The following TNFRSF9 variants were observed in gnomAD, a reference collection of about 807,000 sequenced individuals.
TNFRSF9 encodes the protein tumor necrosis factor receptor superfamily member 9.
Under a neutral mutation model 28.8 loss-of-function variants are expected in TNFRSF9, and 16 were observed. The ratio of observed to expected loss-of-function variants is 0.55; its 90% confidence interval spans 0.38 to 0.84. The LOEUF is 0.84. TNFRSF9 is among the 40% of genes least tolerant of loss of function. The pLI is 0.00. For synonymous variants in TNFRSF9, 131 were observed against 117.0 expected (o/e 1.12, Z -0.77); for missense variants, 303 against 315.0 (o/e 0.96, Z 0.29).
At chr1:7,928,721 G>T (rs966028531) in intron 7 of TNFRSF9, among the ~76,000 whole-genome samples, 1 of 151,602 alleles carries the variant, frequency 6.6e-6, no homozygotes, top group Non-Finnish European at 1.5e-5. Context: ...GCAAAACCCC[G>T]TCTCTACTAT....
chr1:7,930,450 T>C (rs1303488323), intron 7 of TNFRSF9, among the ~76,000 whole-genome samples: 2 of 152,170 alleles, frequency 1.3e-5, no homozygotes, highest in East Asian at 1.9e-4. Flanking sequence ...TTTGTTGCAG[T>C]CTGGGGTGTG....
At chr1:7,925,546 T>C (rs1639639354) in intron 7 of TNFRSF9, among the ~76,000 whole-genome samples, 1 of 152,110 alleles carries the variant, frequency 6.6e-6, no homozygotes, top group African/African-American at 2.4e-5. Context: ...TCAAGCACAT[T>C]ACATTTATTG....
chr1:7,929,318 A>G (rs1306779529), intron 7 of TNFRSF9, among the ~76,000 whole-genome samples: 1 of 151,738 alleles, frequency 6.6e-6, no homozygotes, highest in African/African-American at 2.4e-5. Flanking sequence ...GGCACGTGCC[A>G]CCATGCAGGG....
rs17848007 is a variant in TNFRSF9 at position 7,938,041 on chromosome 1, A to C, written c.346+152T>G. On this transcript the variant is annotated intron_variant, in intron 4 of 7. Coordinates refer to ENST00000377507, the MANE Select transcript of TNFRSF9 (RefSeq NM_001561.6). Reference sequence around the variant, plus strand: ...AATAACGGAAATATTTTATTAATTGAAATATTTTATTAATTAAAATATGAT... The same window carrying C: ...AATAACGGAAATATTTTATTAATTGCAATATTTTATTAATTAAAATATGAT... The C allele has an allele frequency of 4.5e-3, 2,634 of 580,944 alleles. 106 individuals are homozygous for C. The East Asian group carries it at 0.079, about 17-fold the overall frequency. 36.0% of individuals were successfully genotyped at this position (580,944 alleles called of 1,614,324 possible).
chr1:7,938,705 A>G lies in TNFRSF9; in HGVS notation c.208+16T>C. On this transcript the variant is annotated intron_variant, in intron 3 of 7. Coordinates refer to ENST00000377507, the MANE Select transcript of TNFRSF9 (RefSeq NM_001561.6). ...CAACTATCTTCTAGAAGAAGAAAAT[A>G]TCTTTGAACTCATACCTTTACACTG... is the stretch of plus-strand genomic sequence containing the variant. 1 of 1,555,710 alleles carries G rather than the reference A, an allele frequency of 6.4e-7. No homozygotes were observed. Among genetic ancestry groups the G allele is most frequent in the African/African-American group, 1.4e-5 (1 of 73,430 alleles).
intron 2 of TNFRSF9, among the ~76,000 whole-genome samples, chr1:7,939,319 C>CAAAAAAAA (rs34622301): frequency 9.6e-6 from 1 of 103,990 alleles, no homozygotes. Flanking sequence ...GACTGTGTCT[C>CAAAAAAAA]AAAAAAAAAA....
At position 7,938,195 on chromosome 1, in the gene TNFRSF9, T is replaced by C; in HGVS notation, c.344A>G (p.Lys115Arg). Residue 115 changes from lysine (K) to arginine (R), a missense_variant and splice_region_variant, in exon 4 of 8, where the codon AAA (lysine) becomes AGA (arginine). Physicochemically the swap from Lys to Arg is conservative, Grantham distance 26. Coordinates refer to ENST00000377507, the MANE Select transcript of TNFRSF9 (RefSeq NM_001561.6). ...AGATCAAAGAAACGCAAACGTACCT[T>C]TTTTTGTCAGTTCTTGACCTTGTTT... The part of the protein sequence containing the change: ...DCKQGQELTK[K>R]GCKDCCFGTF... 2 of 1,579,474 alleles carry C rather than the reference T, an allele frequency of 1.3e-6. No homozygotes were observed. The highest frequency in any genetic ancestry group is 1.4e-5 in the African/African-American group (1 of 73,564).
intron 7 of TNFRSF9, among the ~76,000 whole-genome samples, chr1:7,924,294 CATATAT>C (rs58569630): frequency 0.036 from 4,610 of 129,630 alleles, 84 homozygotes; most frequent in Middle Eastern, 0.076. Context: ...TAGTATATTC[CATATAT>C]ATATATATAT....
intron 7 of TNFRSF9, among the ~76,000 whole-genome samples, chr1:7,925,404 T>C (rs1639635296): frequency 6.6e-6 from 1 of 152,122 alleles, no homozygotes; most frequent in African/African-American, 2.4e-5. Flanking sequence ...TAGGTTAGCT[T>C]AAGTGTACAG....
chr1:7,935,164 T>C, intron 5 of TNFRSF9, 21 bp from the exon 6 acceptor site: 2 of 1,606,448 alleles, frequency 1.2e-6, no homozygotes. Context: ...TCAATGAAAA[T>C]AATTTAAATA....
Position 7,918,000 on chromosome 1 carries a change from ATAGG to A in TNFRSF9, c.*2831_*2834del, listed in dbSNP as rs564671137. The A allele has an allele frequency of 2.2e-3, 337 of 150,684 alleles. 1 individual carries two copies. Among genetic ancestry groups the A allele is most frequent in the African/African-American group, 8.0e-3 (323 of 40,248 alleles). 9.3% of individuals were successfully genotyped at this position (150,684 alleles called of 1,614,324 possible). On this transcript the variant is annotated 3_prime_UTR_variant, in exon 8 of 8. Coordinates refer to ENST00000377507, the MANE Select transcript of TNFRSF9 (RefSeq NM_001561.6). ...TAGATATAGATAGATAGATAGATAGATAGGCAGAATTTCACTCTTGTCACCCAGT... is the reference window on the plus strand; with the variant it reads ...TAGATATAGATAGATAGATAGATAGACAGAATTTCACTCTTGTCACCCAGT...
intron 6 of TNFRSF9, among the ~76,000 whole-genome samples, chr1:7,933,560 T>A (rs1432690290): frequency 6.7e-6 from 1 of 150,264 alleles, no homozygotes; most frequent in African/African-American, 2.5e-5. Flanking sequence ...AACATAGTGG[T>A]GGCAGGAACT....
At chr1:7,932,615 G>A (rs1311014111) in intron 7 of TNFRSF9, among the ~76,000 whole-genome samples, 1 of 151,838 alleles carries the variant, frequency 6.6e-6, no homozygotes. Flanking sequence ...GGGACATAGA[G>A]GGAACATGGT....
At position 7,917,983 on chromosome 1, in the gene TNFRSF9, GAT is replaced by G. The variant is rs1558526767; in HGVS notation, c.*2850_*2851del. The G allele has an allele frequency of 2.8e-4, 40 of 144,762 alleles. No individual in the cohort carries two copies. The highest frequency in any genetic ancestry group is 9.9e-4 in the African/African-American group (36 of 36,196). 9.0% of individuals were successfully genotyped at this position (144,762 alleles called of 1,614,324 possible). A position where few individuals can be genotyped will look rare whatever the true frequency, so the allele number is the denominator to read the frequency against. On this transcript the variant is annotated 3_prime_UTR_variant, in exon 8 of 8. Coordinates refer to ENST00000377507, the MANE Select transcript of TNFRSF9 (RefSeq NM_001561.6). The stretch of plus-strand genomic sequence containing the variant: ...ATATATATATATATATATAGATATA[GAT>G]AGATAGATAGATAGATAGGCAGAAT...
Position 7,937,723 on chromosome 1 carries a change from T to A in TNFRSF9, c.380A>T (p.Asp127Val). The A allele has an allele frequency of 1.2e-6, 2 of 1,613,802 alleles. No individual in the cohort carries two copies. Among genetic ancestry groups the A allele is most frequent in the Non-Finnish European group, 1.7e-6 (2 of 1,179,724 alleles). The change falls in exon 5 of 8, where the codon GAT becomes GTT. Residue 127 changes from aspartate (D) to valine (V), a missense_variant. Coordinates refer to ENST00000377507, the MANE Select transcript of TNFRSF9 (RefSeq NM_001561.6). The part of the protein sequence containing the change: ...CKDCCFGTFN[D>V]QKRGICRPWT... ...GGGTCGACAGATGCCACGTTTCTGATCGTTAAATGTCCCAAAGCAACAGTC... is the reference window on the plus strand; with the variant it reads ...GGGTCGACAGATGCCACGTTTCTGAACGTTAAATGTCCCAAAGCAACAGTC...
At chr1:7,938,077 C>T (rs1005539811) in intron 4 of TNFRSF9, 116 bp downstream of exon 4, 1 of 865,328 alleles carries the variant, frequency 1.2e-6, no homozygotes, top group South Asian at 3.0e-5. Flanking sequence ...ATATCATATA[C>T]TCCCTTGTTA....
In TNFRSF9 at chr1:7,934,022, C is replaced by G. The variant is rs1021529842; in HGVS notation, c.545-726G>C. On this transcript the variant is annotated intron_variant, in intron 6 of 7. Transcript: ENST00000377507. ...ACAGAGAGAGACTCTGTCCACCCCC[C>G]CAAAAAAATAAAAGAAACTTAATAA... Among the ~76,000 whole-genome samples the G allele has an allele frequency of 2.6e-5, 4 of 151,286 alleles. No homozygotes were observed. The South Asian group carries it at 8.4e-4, about 32-fold the overall frequency.
At chr1:7,924,563 G>A (rs529289879) in intron 7 of TNFRSF9, among the ~76,000 whole-genome samples, 1 of 152,096 alleles carries the variant, frequency 6.6e-6, no homozygotes, top group African/African-American at 2.4e-5. Context: ...GGAGGCAGAG[G>A]TTGCAGGGAG....
chr1:7,937,986 C>T (rs1390077610), intron 4 of TNFRSF9, among the ~76,000 whole-genome samples: 1 of 152,026 alleles, frequency 6.6e-6, no homozygotes, highest in Non-Finnish European at 1.5e-5. Flanking sequence ...AACAAATGTT[C>T]TGATTTCAAA....
Sources: allele counts gnomAD v4.1 joint callset (sites outside exome capture counted in the v4.1 genomes callset), GRCh38; gene constraint gnomAD v4.1.1; transcripts MANE v1.5; gene names NCBI Gene and HGNC (gene_info 2026-07-23, HGNC 2026-07-21).